RBM38: variants seen among roughly 807,000 people sequenced by gnomAD.
RBM38 encodes the protein RNA-binding protein 38.
In RBM38, 11 loss-of-function variants were observed where a neutral mutation model predicts 23.5. The observed-to-expected ratio is 0.47, with a 90% CI of 0.29 to 0.77. The LOEUF (loss-of-function observed/expected upper bound fraction) is 0.77, where lower values mean the gene tolerates loss of function less well. RBM38 is among the 30% of genes least tolerant of loss of function. The pLI is 0.08. For synonymous variants in RBM38, 165 were observed against 166.1 expected (o/e 0.99, Z 0.05); for missense variants, 330 against 351.9 (o/e 0.94, Z 0.50).
intron 3 of RBM38, among the ~76,000 whole-genome samples, chr20:57,403,049 C>T (rs534977676): frequency 7.2e-5 from 11 of 152,332 alleles, no homozygotes; most frequent in Non-Finnish European, 1.0e-4. Context: ...CGGTCAGCAC[C>T]CCTGGCCTCG....
intron 3 of RBM38, among the ~76,000 whole-genome samples, chr20:57,399,433 TAC>T (rs1226502349): frequency 6.6e-6 from 1 of 152,078 alleles, no homozygotes; most frequent in Admixed American, 6.5e-5. Flanking sequence ...CCTGGTGAGA[TAC>T]AGTGAGATTC....
chr20:57,392,573 C>T lies in RBM38; in HGVS notation c.238-81C>T, dbSNP rs138734120. The T allele has an allele frequency of 4.5e-3, 6,870 of 1,522,872 alleles. 28 individuals are homozygous for T. Among genetic ancestry groups the T allele is most frequent in the Non-Finnish European group, 5.4e-3 (6,092 of 1,131,682 alleles). The allele number at this position is 1,522,872 out of a possible 1,614,324, so 94.3% of individuals were successfully genotyped here. On this transcript the variant is annotated intron_variant, in intron 1 of 3. Transcript: ENST00000356208. The stretch of plus-strand genomic sequence containing the variant: ...GAAGGGAAGAGAGGGGTGGCAGCAT[C>T]CGGTGCCAGGGCGGAGCCGTCTGCC...
chr20:57,397,589 C>CCTGGGTCCTG (rs2067287381), intron 3 of RBM38, among the ~76,000 whole-genome samples: 1 of 152,204 alleles, frequency 6.6e-6, no homozygotes, highest in South Asian at 2.1e-4. Context: ...GGTGTGTGCA[C>CCTGGGTCCTG]ACCACGGGGC....
In RBM38 at chr20:57,396,576, C is replaced by T. The variant is rs539292446; in HGVS notation, c.416+3243C>T. On this transcript the variant is annotated intron_variant, in intron 3 of 3. Coordinates refer to ENST00000356208, the MANE Select transcript of RBM38 (RefSeq NM_017495.6). ...AGCTGCTTCCCTGGGTGCGGGTCTC[C>T]CTGCCTGTTAAGGGGGCCTGGCTGT... 8.5e-5 allele frequency among the ~76,000 whole-genome samples: 13 copies of T among 152,302 alleles called. No individual in the cohort carries two copies. The South Asian group carries it at 2.7e-3, about 32-fold the overall frequency.
Position 57,391,716 on chromosome 20 carries a change from T to A in RBM38, c.135T>A (p.Thr45=), listed in dbSNP as rs768051681. Residue 45 remains threonine, a synonymous_variant, in exon 1 of 4, where the codon ACT becomes ACA. Coordinates refer to ENST00000356208, the MANE Select transcript of RBM38 (RefSeq NM_017495.6). ...TCGTGGGCGGCCTGCCGTACCACAC[T>A]ACCGACGCCTCGCTCAGGAAGTACT... ...KIFVGGLPYH[T]TDASLRKYFE... The A allele has an allele frequency of 6.5e-7, 1 of 1,535,994 alleles. No individual in the cohort carries two copies. Among genetic ancestry groups the A allele is most frequent in the Non-Finnish European group, 8.8e-7 (1 of 1,140,062 alleles).
chr20:57,391,747 G>A lies in RBM38; in HGVS notation c.166G>A (p.Gly56Ser), dbSNP rs2067217446. 6.4e-7 allele frequency: 1 copy of A among 1,570,212 alleles called. No individual in the cohort carries two copies. Among genetic ancestry groups the A allele is most frequent in the East Asian group, 2.4e-5 (1 of 41,232 alleles). The change falls in exon 1 of 4, where the codon GGC becomes AGC. Residue 56 changes from glycine (G) to serine (S), a missense_variant. By Grantham distance (56) the Gly-to-Ser change is moderately conservative. Transcript: ENST00000356208. ...CGCCTCGCTCAGGAAGTACTTCGAG[G>A]GCTTCGGCGACATCGAGGAGGCCGT... ...TDASLRKYFE[G>S]FGDIEEAVVI...
chr20:57,394,656 C>A (rs1470412504), intron 3 of RBM38, among the ~76,000 whole-genome samples: 1 of 152,132 alleles, frequency 6.6e-6, no homozygotes, highest in South Asian at 2.1e-4. Context: ...TTGTAGATGT[C>A]TAGAGTCGTC....
Position 57,393,352 on chromosome 20 carries a change from C to CT in RBM38, c.416+21dup. 6.2e-7 allele frequency: 1 copy of CT among 1,613,272 alleles called. No individual in the cohort carries two copies. On this transcript the variant is annotated intron_variant, in intron 3 of 3. Coordinates refer to ENST00000356208, the MANE Select transcript of RBM38 (RefSeq NM_017495.6). ...CTTACGGGTGAGTGGACATGGCTGG[C>CT]TTGGGGTGGGTAGTCCGTGGAGATG...
At chr20:57,403,455 C>A (rs1402992161) in intron 3 of RBM38, among the ~76,000 whole-genome samples, 1 of 152,118 alleles carries the variant, frequency 6.6e-6, no homozygotes, top group African/African-American at 2.4e-5. Flanking sequence ...GCTGTGCCTT[C>A]CTTTTATTTT....
rs906868262 is a variant in RBM38 at position 57,407,458 on chromosome 20, C to T, written c.417-85C>T. 1.1e-5 allele frequency: 16 copies of T among 1,415,592 alleles called. No individual in the cohort carries two copies. The highest frequency in any genetic ancestry group is 9.3e-5 in the South Asian group (7 of 74,908). The allele number at this position is 1,415,592 out of a possible 1,614,324, so 87.7% of individuals were successfully genotyped here. A position where few individuals can be genotyped will look rare whatever the true frequency, so the allele number is the denominator to read the frequency against. ...GAAAGTCGGGGCTCGGGGTGGGGGG[C>T]GGCACGCATCGTGTACCCCACTGTT... On this transcript the variant is annotated intron_variant, in intron 3 of 3. Transcript: ENST00000356208. The surrounding 1 kb of genome is among the most constrained non-coding windows in gnomAD (Gnocchi z 4.0).
chr20:57,395,775 C>T (rs1295607059), intron 3 of RBM38, among the ~76,000 whole-genome samples: 4 of 141,488 alleles, frequency 2.8e-5, no homozygotes, highest in African/African-American at 9.3e-5. Flanking sequence ...AGAGCTGGGC[C>T]GGAGCTGGAG....
rs149623285 is a variant in RBM38 at position 57,405,166 on chromosome 20, C to T, written c.417-2377C>T. ...TTCCCCCATCGCTGTCCACACATCACAGCCCTCTGCTGTCTTGACTTCCCC... is the reference window on the plus strand; with the variant it reads ...TTCCCCCATCGCTGTCCACACATCATAGCCCTCTGCTGTCTTGACTTCCCC... On this transcript the variant is annotated intron_variant, in intron 3 of 3. Coordinates refer to ENST00000356208, the MANE Select transcript of RBM38 (RefSeq NM_017495.6). Among the ~76,000 whole-genome samples the T allele has an allele frequency of 5.3e-5, 8 of 152,350 alleles. No individual in the cohort carries two copies. The East Asian group carries it at 5.8e-4, about 11-fold the overall frequency.
intron 2 of RBM38, 78 bp from the exon 3 acceptor site, chr20:57,393,201 A>G (rs1600743243): frequency 7.2e-7 from 1 of 1,391,042 alleles, no homozygotes. Flanking sequence ...GGCTTGTGGG[A>G]TTCTGCCACC....
At chr20:57,400,195 G>A (rs2067313556) in intron 3 of RBM38, among the ~76,000 whole-genome samples, 2 of 152,332 alleles carry the variant, frequency 1.3e-5, no homozygotes, top group East Asian at 1.9e-4. Context: ...GGACAGGCAT[G>A]GCCAGGATCC....
At chr20:57,393,372 G>T in intron 3 of RBM38, 39 bp downstream of exon 3, 1 of 1,601,720 alleles carries the variant, frequency 6.2e-7, no homozygotes, top group Non-Finnish European at 8.6e-7. Context: ...GTAGTCCGTG[G>T]AGATGAAGTG....
chr20:57,398,326 C>A (rs1402307814), intron 3 of RBM38, among the ~76,000 whole-genome samples: 1 of 152,026 alleles, frequency 6.6e-6, no homozygotes, highest in Non-Finnish European at 1.5e-5. Flanking sequence ...CTGAGGATGG[C>A]GGAAATGGGC....
intron 3 of RBM38, among the ~76,000 whole-genome samples, chr20:57,396,268 A>T (rs1017975611): frequency 3.9e-5 from 6 of 152,006 alleles, no homozygotes; most frequent in African/African-American, 1.5e-4. Context: ...GGTTTGGAGG[A>T]GCCTTCCTCG....
intron 3 of RBM38, among the ~76,000 whole-genome samples, chr20:57,403,729 C>T (rs1034055974): frequency 1.3e-5 from 2 of 152,196 alleles, no homozygotes; most frequent in African/African-American, 4.8e-5. Flanking sequence ...TCAAGCGATT[C>T]TCCTGCCTCA....
rs973308355 is a variant in RBM38 at position 57,391,403 on chromosome 20, C to A, written c.-179C>A. On this transcript the variant is annotated 5_prime_UTR_variant, in exon 1 of 4. Transcript: ENST00000356208. ...CGGGGGCGGTGCCGGGGCGCAGAGT[C>A]CCCGCAGCGCCGGTCGGGAGCGCAG... 4 of 148,676 alleles carry A rather than the reference C, an allele frequency of 2.7e-5. No homozygotes were observed. Among genetic ancestry groups the A allele is most frequent in the African/African-American group, 7.3e-5 (3 of 40,980 alleles). 9.2% of individuals were successfully genotyped at this position (148,676 alleles called of 1,614,324 possible). A position where few individuals can be genotyped will look rare whatever the true frequency, so the allele number is the denominator to read the frequency against.
Sources: gnomAD v4.1 joint callset for allele counts (sites outside exome capture counted in the v4.1 genomes callset) on GRCh38, gnomAD v4.1.1 for gene constraint, Gnocchi (gnomAD v3.1) non-coding constraint, MANE v1.5 for transcripts, NCBI Gene and HGNC (gene_info 2026-07-23, HGNC 2026-07-21) for gene names.